Variants in PTPN4 observed in about 807,000 individuals in gnomAD.
PTPN4 encodes protein tyrosine phosphatase non-receptor type 4, also known as tyrosine-protein phosphatase non-receptor type 4.
Under a neutral mutation model 135.5 loss-of-function variants are expected in PTPN4, and 49 were observed. That is an observed-to-expected ratio of 0.36 (90% CI 0.29 to 0.46). The LOEUF is 0.46. Among genes scored for constraint, PTPN4 ranks in the 20% least tolerant of loss-of-function variants. The pLI is 1.00. For synonymous variants in PTPN4, 333 were observed against 369.9 expected (o/e 0.90, Z 1.14); for missense variants, 860 against 1,101.0 (o/e 0.78, Z 3.10).
chr2:119,931,304 A>T (rs1441209944), intron 13 of PTPN4, among the ~76,000 whole-genome samples: 1 of 152,058 alleles, frequency 6.6e-6, no homozygotes, highest in African/African-American at 2.4e-5. Flanking sequence ...TTTGTCTATT[A>T]TCTGAATTTG....
At chr2:119,803,194 CT>C (rs1295558570) in intron 1 of PTPN4, among the ~76,000 whole-genome samples, 8 of 151,810 alleles carry the variant, frequency 5.3e-5, no homozygotes, top group Non-Finnish European at 1.0e-4. Context: ...GATTTATGTT[CT>C]TTGTTATTTC....
chr2:119,976,031 T>C (rs536352797), intron 26 of PTPN4, among the ~76,000 whole-genome samples: 13 of 150,290 alleles, frequency 8.6e-5, no homozygotes, highest in African/African-American at 2.9e-4. Context: ...AGTCTCGTTC[T>C]GTTGCCCAGG....
intron 2 of PTPN4, among the ~76,000 whole-genome samples, chr2:119,837,951 A>G (rs1677320426): frequency 6.6e-6 from 1 of 152,144 alleles, no homozygotes; most frequent in South Asian, 2.1e-4. Context: ...ACTCGCCCAC[A>G]CACCCCTCGC....
chr2:119,863,449 A>G (rs1261747569), intron 3 of PTPN4, among the ~76,000 whole-genome samples: 11 of 152,144 alleles, frequency 7.2e-5, no homozygotes, highest in African/African-American at 2.7e-4. Context: ...ATACTTTTAG[A>G]AAGATTAGGA....
chr2:119,769,437 G>C (rs539562294), intron 1 of PTPN4, among the ~76,000 whole-genome samples: 2 of 152,200 alleles, frequency 1.3e-5, no homozygotes, highest in African/African-American at 4.8e-5. Flanking sequence ...TTCTTAAAAG[G>C]GGGAGTGGGG....
Position 119,862,550 on chromosome 2 carries a change from G to T in PTPN4, c.153G>T (p.Gly51=). 6.2e-7 allele frequency: 1 copy of T among 1,609,962 alleles called. No individual in the cohort carries two copies. The highest frequency in any genetic ancestry group is 1.1e-5 in the South Asian group (1 of 90,314). ...QAFKVNKHDQ[G]QVLLDVVFKH... Reference sequence around the variant, plus strand: ...TTTTTTTACAGAAACATGATCAGGGGCAAGTCTTGTTGGATGTCGTCTTCA... The same window carrying T: ...TTTTTTTACAGAAACATGATCAGGGTCAAGTCTTGTTGGATGTCGTCTTCA... The change falls in exon 3 of 27, where the codon GGG becomes GGT. Residue 51 remains glycine (G), a synonymous_variant. Coordinates refer to ENST00000263708, the MANE Select transcript of PTPN4 (RefSeq NM_002830.4).
At chr2:119,931,249 C>T (rs1678901298) in intron 13 of PTPN4, among the ~76,000 whole-genome samples, 1 of 151,968 alleles carries the variant, frequency 6.6e-6, no homozygotes, top group South Asian at 2.1e-4. Flanking sequence ...CTCTGCACTT[C>T]ATAAAGCCAG....
chr2:119,970,807 A>G (rs547909575), intron 26 of PTPN4, among the ~76,000 whole-genome samples: 1 of 152,206 alleles, frequency 6.6e-6, no homozygotes, highest in Admixed American at 6.5e-5. Flanking sequence ...TATCTTGGGT[A>G]TACCCAGGAG....
intron 2 of PTPN4, among the ~76,000 whole-genome samples, chr2:119,846,398 A>G (rs536238111): frequency 6.6e-6 from 1 of 152,028 alleles, no homozygotes; most frequent in South Asian, 2.1e-4. Context: ...TCCCTCTTTG[A>G]CTCTAGTAAC....
intron 1 of PTPN4, among the ~76,000 whole-genome samples, chr2:119,794,434 TCCAGCCACTGTGCACAGCCAGG>T (rs1277815305): frequency 1.3e-5 from 2 of 152,142 alleles, no homozygotes; most frequent in East Asian, 3.9e-4. Flanking sequence ...GGAGCTGGGG[TCCAGCCACTGTGCACAGCCAGG>T]CATGCTGGCT....
At chr2:119,934,343 C>T (rs916909945) in intron 14 of PTPN4, among the ~76,000 whole-genome samples, 49 of 152,194 alleles carry the variant, frequency 3.2e-4, no homozygotes, top group Admixed American at 2.9e-3. Context: ...ATTGTAATAA[C>T]ACTACTTTGT....
chr2:119,825,315 T>G (rs980789443), intron 2 of PTPN4, among the ~76,000 whole-genome samples: 4 of 152,134 alleles, frequency 2.6e-5, no homozygotes, highest in African/African-American at 9.7e-5. Flanking sequence ...TATGAAGTAA[T>G]AGTAATGTGT....
intron 1 of PTPN4, among the ~76,000 whole-genome samples, chr2:119,782,865 C>A (rs1690969092): frequency 7.4e-6 from 1 of 134,532 alleles, no homozygotes; most frequent in Admixed American, 7.2e-5. Context: ...ACCACTACTC[C>A]CGGCTAATTA....
At chr2:119,845,654 T>G (rs1677486727) in intron 2 of PTPN4, among the ~76,000 whole-genome samples, 1 of 152,142 alleles carries the variant, frequency 6.6e-6, no homozygotes, top group African/African-American at 2.4e-5. Context: ...TTTTCTGATC[T>G]TCTCAAAAAA....
chr2:119,777,437 G>A (rs1258198595), intron 1 of PTPN4, among the ~76,000 whole-genome samples: 1 of 152,062 alleles, frequency 6.6e-6, no homozygotes, highest in Admixed American at 6.5e-5. Flanking sequence ...TATAATGGAA[G>A]CTCCATGAGG....
At chr2:119,893,915 C>A (rs917012719) in intron 9 of PTPN4, among the ~76,000 whole-genome samples, 5 of 151,350 alleles carry the variant, frequency 3.3e-5, no homozygotes, top group African/African-American at 1.2e-4. Context: ...AAAAAAAAAA[C>A]AAAAACGGAG....
At chr2:119,929,066 G>A (rs1020057873) in intron 13 of PTPN4, among the ~76,000 whole-genome samples, 1 of 151,978 alleles carries the variant, frequency 6.6e-6, no homozygotes, top group African/African-American at 2.4e-5. Flanking sequence ...AATAGTAGAG[G>A]TAAAATTTCA....
At chr2:119,877,892 GGT>G (rs1491190697) in intron 5 of PTPN4, among the ~76,000 whole-genome samples, 1 of 127,068 alleles carries the variant, frequency 7.9e-6, no homozygotes, top group Non-Finnish European at 1.7e-5. Flanking sequence ...GAGAAATTTG[GGT>G]TTTTTTTTTC....
chr2:119,900,496 T>C (rs1358317368), intron 9 of PTPN4, among the ~76,000 whole-genome samples: 1 of 152,144 alleles, frequency 6.6e-6, no homozygotes, highest in African/African-American at 2.4e-5. Context: ...CATTTTACTT[T>C]AGATTAAAGA....
Sources: allele counts gnomAD v4.1 joint callset (sites outside exome capture counted in the v4.1 genomes callset), GRCh38; gene constraint gnomAD v4.1.1; transcripts MANE v1.5; gene names NCBI Gene and HGNC (gene_info 2026-07-23, HGNC 2026-07-21).